HPSE2: variants seen among roughly 807,000 people sequenced by gnomAD.
HPSE2 encodes the protein inactive heparanase-2.
HPSE2 carries 38 observed loss-of-function variants against 60.5 expected under a neutral mutation model. That is an observed-to-expected ratio of 0.63 (90% CI 0.48 to 0.82). The LOEUF is 0.82. Among genes scored for constraint, HPSE2 ranks in the 40% least tolerant of loss-of-function variants. The probability of loss-of-function intolerance (pLI) is 0.00; values close to 1 mark genes in which losing one functional copy is unlikely to be tolerated. For missense variants in HPSE2, 713 were observed against 740.4 expected, an observed-to-expected ratio of 0.96 and a Z score of 0.43; for synonymous variants, 295 against 293.2, an observed-to-expected ratio of 1.01 and a Z score of -0.06.
intron 6 of HPSE2, among the ~76,000 whole-genome samples, chr10:98,673,778 A>AT (rs758219882): frequency 4.6e-5 from 7 of 152,144 alleles, no homozygotes; most frequent in Non-Finnish European, 1.0e-4. Flanking sequence ...CAGGGGAAAA[A>AT]GCATGAACTC....
chr10:98,824,540 A>C (rs1231516528), intron 3 of HPSE2, among the ~76,000 whole-genome samples: 1 of 152,184 alleles, frequency 6.6e-6, no homozygotes, highest in Non-Finnish European at 1.5e-5. Context: ...AGTGTCACTC[A>C]ATTTATCTTT....
At chr10:98,501,683 T>C (rs998100605) in intron 9 of HPSE2, among the ~76,000 whole-genome samples, 5 of 152,094 alleles carry the variant, frequency 3.3e-5, no homozygotes, top group African/African-American at 1.2e-4. Context: ...CAACATAGTA[T>C]TGGAAGTCCT....
At chr10:99,087,956 GA>G (rs1416729998) in intron 3 of HPSE2, among the ~76,000 whole-genome samples, 1 of 150,716 alleles carries the variant, frequency 6.6e-6, no homozygotes, top group African/African-American at 2.4e-5. Flanking sequence ...CTTAATTCCT[GA>G]ACCCCCCCTT....
At chr10:98,655,277 A>ACT (rs373403905) in intron 6 of HPSE2, among the ~76,000 whole-genome samples, 3 of 150,388 alleles carry the variant, frequency 2.0e-5, no homozygotes, top group African/African-American at 4.9e-5. Context: ...ACAATGATTT[A>ACT]CTCTCTCTCT....
chr10:98,752,390 A>G (rs1949778792), intron 3 of HPSE2, among the ~76,000 whole-genome samples: 1 of 152,220 alleles, frequency 6.6e-6, no homozygotes, highest in Admixed American at 6.5e-5. Context: ...TTCTTTGGGT[A>G]GCCTATGGGT....
intron 3 of HPSE2, among the ~76,000 whole-genome samples, chr10:99,017,114 A>G (rs1957160756): frequency 6.6e-6 from 1 of 152,166 alleles, no homozygotes; most frequent in African/African-American, 2.4e-5. Flanking sequence ...CCAGTTTTCA[A>G]GTGGAATGCT....
At chr10:98,844,883 G>T (rs564062020) in intron 3 of HPSE2, among the ~76,000 whole-genome samples, 18 of 152,102 alleles carry the variant, frequency 1.2e-4, no homozygotes, top group African/African-American at 4.1e-4. Flanking sequence ...TCTAACCTTG[G>T]TATTCTGATT....
At chr10:98,510,597 C>T (rs1168300517) in intron 9 of HPSE2, among the ~76,000 whole-genome samples, 2 of 152,222 alleles carry the variant, frequency 1.3e-5, no homozygotes, top group African/African-American at 2.4e-5. Context: ...TGATACACTA[C>T]AGAGCCAGGG....
At chr10:99,176,605 A>C (rs1344549747) in intron 2 of HPSE2, among the ~76,000 whole-genome samples, 1 of 152,174 alleles carries the variant, frequency 6.6e-6, no homozygotes, top group East Asian at 1.9e-4. Context: ...CAAAGCCTCC[A>C]AGAAATATGG....
intron 9 of HPSE2, among the ~76,000 whole-genome samples, chr10:98,552,852 C>G (rs1203428816): frequency 6.6e-6 from 1 of 152,106 alleles, no homozygotes; most frequent in East Asian, 1.9e-4. Flanking sequence ...TCAGCCTCTT[C>G]TATAACATTT....
At chr10:98,706,193 C>A (rs1165588808) in intron 5 of HPSE2, among the ~76,000 whole-genome samples, 1 of 152,152 alleles carries the variant, frequency 6.6e-6, no homozygotes, top group African/African-American at 2.4e-5. Flanking sequence ...ACCATCTTTC[C>A]AGTATCTTAT....
intron 3 of HPSE2, among the ~76,000 whole-genome samples, chr10:98,872,100 G>A (rs542848901): frequency 5.3e-5 from 8 of 151,888 alleles, no homozygotes; most frequent in Non-Finnish European, 1.2e-4. Context: ...TTTTTGTGAG[G>A]TCCGTTACTA....
chr10:98,930,883 G>T (rs1405164291), intron 3 of HPSE2, among the ~76,000 whole-genome samples: 1 of 144,000 alleles, frequency 6.9e-6, no homozygotes, highest in Non-Finnish European at 1.5e-5. Context: ...TTGTCAGATG[G>T]ATAGATTGCA....
At chr10:98,832,711 C>T (rs1196655993) in intron 3 of HPSE2, among the ~76,000 whole-genome samples, 1 of 152,026 alleles carries the variant, frequency 6.6e-6, no homozygotes, top group East Asian at 1.9e-4. Context: ...TGATCCAGTG[C>T]AATGTATTTA....
At chr10:98,941,239 T>C (rs1335158005) in intron 3 of HPSE2, among the ~76,000 whole-genome samples, 6 of 131,232 alleles carry the variant, frequency 4.6e-5, no homozygotes, top group Middle Eastern at 4.0e-3. Context: ...CCAGGGCAAT[T>C]AGGCAGGAGA....
intron 3 of HPSE2, among the ~76,000 whole-genome samples, chr10:98,918,483 G>A (rs993239310): frequency 7.3e-5 from 11 of 150,858 alleles, no homozygotes; most frequent in East Asian, 1.9e-4. Context: ...TATACACCAC[G>A]GAATACTATG....
At chr10:98,653,011 C>G (rs1388667667) in intron 6 of HPSE2, among the ~76,000 whole-genome samples, 1 of 152,162 alleles carries the variant, frequency 6.6e-6, no homozygotes, top group East Asian at 1.9e-4. Flanking sequence ...TAATTGGATT[C>G]TACCAGTTTT....
rs912225729 is a variant in HPSE2, at chr10:98,591,865, T to A, written c.1320+23039A>T. Among the ~76,000 whole-genome samples the A allele has an allele frequency of 3.9e-5, 6 of 152,324 alleles. No individual in the cohort carries two copies. In the South Asian group the frequency reaches 1.0e-3, roughly 26 times the overall value. On this transcript the variant is annotated intron_variant, in intron 9 of 11. Transcript: ENST00000370552. ...CGGCCCAGTTTTCAAGGTCAGAGCT[T>A]GCCTGTGATCACTATACTTCAGTTT... is the stretch of plus-strand genomic sequence containing the variant.
intron 9 of HPSE2, among the ~76,000 whole-genome samples, chr10:98,581,643 C>T (rs1300834097): frequency 6.6e-6 from 1 of 152,062 alleles, no homozygotes; most frequent in Non-Finnish European, 1.5e-5. Flanking sequence ...TGGGAATAGT[C>T]CACCCTTGGT....
Sources: allele counts gnomAD v4.1 joint callset (sites outside exome capture counted in the v4.1 genomes callset), GRCh38; gene constraint gnomAD v4.1.1; transcripts MANE v1.5; gene names NCBI Gene and HGNC (gene_info 2026-07-23, HGNC 2026-07-21).